Variants in BCL9L observed in about 807,000 individuals in gnomAD.
BCL9L encodes the protein B-cell CLL/lymphoma 9-like protein.
A neutral mutation model predicts 99.4 loss-of-function variants in BCL9L; 19 were observed. The observed-to-expected ratio is 0.19, with a 90% CI of 0.13 to 0.28. BCL9L has a LOEUF of 0.28. Among genes scored for constraint, BCL9L ranks in the 10% least tolerant of loss-of-function variants. The pLI is 1.00. For synonymous variants in BCL9L, 900 were observed against 854.8 expected (o/e 1.05, Z -0.92); for missense variants, 2,023 against 2,101.6 (o/e 0.96, Z 0.73).
chr11:118,908,436 G>C lies in BCL9L; in HGVS notation c.246C>G (p.Ala82=). 1 of 1,614,078 alleles carries C rather than the reference G, an allele frequency of 6.2e-7. No individual in the cohort carries two copies. Among genetic ancestry groups the C allele is most frequent in the South Asian group, 1.1e-5 (1 of 91,084 alleles). The change falls in exon 4 of 10, where the codon GCC becomes GCG. Residue 82 remains alanine (A), a synonymous_variant. Transcript: ENST00000683865. ...TGCTAGGCGAGATCTGGTTGGCCTT[G>C]GCCCCATGGTTCCCCGCCCCCACGC... ...SKGVGAGNHG[A]KANQISPSNS...
chr11:118,925,778 T>TGGCTCCGGGCGGCGGCGGTGGTGCAGC lies in BCL9L; in HGVS notation c.-698_-672dup. Among the ~76,000 whole-genome samples, 1 of 150,142 alleles carries TGGCTCCGGGCGGCGGCGGTGGTGCAGC rather than the reference T, an allele frequency of 6.7e-6. No homozygotes were observed. Among genetic ancestry groups the TGGCTCCGGGCGGCGGCGGTGGTGCAGC allele is most frequent in the African/African-American group, 2.4e-5 (1 of 41,202 alleles). On this transcript the variant is annotated 5_prime_UTR_variant, in exon 1 of 10. Coordinates refer to ENST00000683865, the MANE Select transcript of BCL9L (RefSeq NM_001378213.1). This position sits in a 1 kb window ranked among gnomAD's most constrained non-coding sequence, Gnocchi z 6.4. ...CCAGGCGTGCGGGCGTCCGGCCGGC[T>TGGCTCCGGGCGGCGGCGGTGGTGCAGC]GGCTCCGGGCGGCGGCGGTGGTGCA...
At chr11:118,899,647 G>T in intron 9 of BCL9L, 139 bp from the exon 10 acceptor site, 1 of 1,208,640 alleles carries the variant, frequency 8.3e-7, no homozygotes, top group Non-Finnish European at 1.2e-6. Context: ...GGCTGGGAGG[G>T]AAGGGACTGG....
intron 1 of BCL9L, among the ~76,000 whole-genome samples, chr11:118,924,886 G>A (rs982169531): frequency 6.6e-6 from 1 of 152,242 alleles, no homozygotes; most frequent in Non-Finnish European, 1.5e-5. Flanking sequence ...GAGACCCACG[G>A]GGTTGGTGAG....
At position 118,902,775 on chromosome 11, in the gene BCL9L, G is replaced by C. The variant is rs776672207; in HGVS notation, c.968C>G (p.Pro323Arg). 6.3e-7 allele frequency: 1 copy of C among 1,581,872 alleles called. No homozygotes were observed. Among genetic ancestry groups the C allele is most frequent in the Admixed American group, 1.7e-5 (1 of 57,482 alleles). The change falls in exon 8 of 10, where the codon CCA becomes CGA. Residue 323 changes from proline (P) to arginine (R), a missense_variant. Transcript: ENST00000683865. This position sits in a 1 kb window ranked among gnomAD's most constrained non-coding sequence, Gnocchi z 7.8. ...APGSAPPALP[P>R]EGPPEDSSQD... Reference sequence around the variant, plus strand: ...ACTGCTGTCCTCAGGAGGCCCCTCTGGGGGCAGAGCAGGCGGGGCACTGCC... The same window carrying C: ...ACTGCTGTCCTCAGGAGGCCCCTCTCGGGGCAGAGCAGGCGGGGCACTGCC...
At chr11:118,907,395 C>A in intron 5 of BCL9L, 88 bp downstream of exon 5, 1 of 1,600,028 alleles carries the variant, frequency 6.2e-7, no homozygotes, top group Non-Finnish European at 8.5e-7. Context: ...GACTCCCAGT[C>A]CTCACTTCTT....
At position 118,902,603 on chromosome 11, in the gene BCL9L, C is replaced by G. The variant is rs756056248; in HGVS notation, c.1140G>C (p.Leu380=). 11 of 1,599,950 alleles carry G rather than the reference C, an allele frequency of 6.9e-6. No homozygotes were observed. The Admixed American group carries it at 1.3e-4, about 19-fold the overall frequency. ...DPSSAPGPAL[L]GEAAAPGNGQ... ...CATTTCCAGGGGCGGCTGCCTCCCC[C>G]AGCAGGGCAGGGCCGGGGGCACTGC... The change falls in exon 8 of 10, where the codon CTG becomes CTC. Residue 380 remains leucine, a synonymous_variant. Coordinates refer to ENST00000683865, the MANE Select transcript of BCL9L (RefSeq NM_001378213.1). The surrounding 1 kb of genome is among the most constrained non-coding windows in gnomAD (Gnocchi z 7.8).
Position 118,899,147 on chromosome 11 carries a change from C to A in BCL9L, c.3768G>T (p.Pro1256=), listed in dbSNP as rs778916171. The change falls in exon 10 of 10, where the codon CCG becomes CCT. Residue 1256 remains proline (P), a synonymous_variant. Coordinates refer to ENST00000683865, the MANE Select transcript of BCL9L (RefSeq NM_001378213.1). ...GGGPGLQQHY[P]SGMALPPEDL... is the part of the protein sequence containing the mutation. ...CCTCGGGAGGCAGGGCCATGCCTGA[C>A]GGGTAGTGCTGCTGCAGGCCAGGCC... The A allele has an allele frequency of 1.3e-6, 2 of 1,509,578 alleles. No individual in the cohort carries two copies. Among genetic ancestry groups the A allele is most frequent in the East Asian group, 2.4e-5 (1 of 41,200 alleles). 93.5% of individuals were successfully genotyped at this position (1,509,578 alleles called of 1,614,324 possible).
rs1343158155 is a variant in BCL9L, at chr11:118,903,476, G to A, written c.533-24C>T. 2.5e-6 allele frequency: 4 copies of A among 1,610,064 alleles called. No homozygotes were observed. Among genetic ancestry groups the A allele is most frequent in the Non-Finnish European group, 3.4e-6 (4 of 1,177,458 alleles). ...ATCTGCAGGAGAGAGGACAGGGAAA[G>A]GGGCTAAGTGGTCTAGATACAAGAA... is the stretch of plus-strand genomic sequence containing the variant. On this transcript the variant is annotated intron_variant, in intron 5 of 9. Coordinates refer to ENST00000683865, the MANE Select transcript of BCL9L (RefSeq NM_001378213.1). The surrounding 1 kb of genome is among the most constrained non-coding windows in gnomAD (Gnocchi z 5.6).
chr11:118,918,561 C>G (rs1941043808), intron 2 of BCL9L, among the ~76,000 whole-genome samples: 1 of 152,014 alleles, frequency 6.6e-6, no homozygotes, highest in South Asian at 2.1e-4. Flanking sequence ...TCACTGGAGC[C>G]TGGCTCTAAC....
chr11:118,902,698 C>T lies in BCL9L; in HGVS notation c.1045G>A (p.Gly349Arg). Reference sequence around the variant, plus strand: ...GTCGGGGTGTTAGGGTGGGTGCCCCCAGTCCCACCACCTGTGCTGGCAGCT... The same window carrying T: ...GTCGGGGTGTTAGGGTGGGTGCCCCTAGTCCCACCACCTGTGCTGGCAGCT... ...VGAASTGGGT[G>R]GTHPNTPTAT... The change falls in exon 8 of 10, where the codon GGG becomes AGG. Residue 349 changes from glycine (G) to arginine (R), a missense_variant. Around this residue, in one of 3 missense-constraint regions of BCL9L, gnomAD observed 1,116 missense variants for 1,194.6 expected, o/e 0.93. Transcript: ENST00000683865. The surrounding 1 kb of genome is among the most constrained non-coding windows in gnomAD (Gnocchi z 7.8). The T allele has an allele frequency of 1.9e-6, 3 of 1,599,086 alleles. No individual in the cohort carries two copies. The South Asian group carries it at 3.3e-5, about 18-fold the overall frequency.
rs1241156679 is a variant in BCL9L, at chr11:118,922,586, C to T, written c.-131+2652G>A. On this transcript the variant is annotated intron_variant, in intron 1 of 9. Coordinates refer to ENST00000683865, the MANE Select transcript of BCL9L (RefSeq NM_001378213.1). This position sits in a 1 kb window ranked among gnomAD's most constrained non-coding sequence, Gnocchi z 6.2. ...GTCCATGGAACAGCCGGCCCCACCCCAGGGAGAGCGGGCCTGGCAGAGGCT... is the reference window on the plus strand; with the variant it reads ...GTCCATGGAACAGCCGGCCCCACCCTAGGGAGAGCGGGCCTGGCAGAGGCT... 6.6e-6 allele frequency among the ~76,000 whole-genome samples: 1 copy of T among 152,112 alleles called. No individual in the cohort carries two copies. Among genetic ancestry groups the T allele is most frequent in the Non-Finnish European group, 1.5e-5 (1 of 67,992 alleles).
rs1423368905 is a variant in BCL9L at position 118,899,414 on chromosome 11, G to C, written c.3501C>G (p.Ser1167=). 1 of 1,593,390 alleles carries C rather than the reference G, an allele frequency of 6.3e-7. No individual in the cohort carries two copies. Among genetic ancestry groups the C allele is most frequent in the South Asian group, 1.1e-5 (1 of 87,660 alleles). Reference sequence around the variant, plus strand: ...GCAGCATGGCGGGCGGGGGCTCATGGGACAGGGGCTGCTGGCCTGGCAGGT... The same window carrying C: ...GCAGCATGGCGGGCGGGGGCTCATGCGACAGGGGCTGCTGGCCTGGCAGGT... The part of the protein sequence containing the change: ...GMNLPGQQPL[S]HEPPPAMLPS... Residue 1167 remains serine, a synonymous_variant, in exon 10 of 10, where the codon TCC becomes TCG. Transcript: ENST00000683865.
intron 2 of BCL9L, chr11:118,910,798 G>A (rs1181923024): frequency 6.4e-6 from 1 of 156,928 alleles, no homozygotes; most frequent in Non-Finnish European, 1.4e-5. Flanking sequence ...CAAGAGCTTG[G>A]CGAGCCCCGG....
rs747824751 is a variant in BCL9L at position 118,899,944 on chromosome 11, G to T, written c.3379C>A (p.Pro1127Thr). The change falls in exon 9 of 10, where the codon CCA becomes ACA. Residue 1127 changes from proline (P) to threonine (T), a missense_variant. Physicochemically the swap from Pro to Thr is conservative, Grantham distance 38 (BLOSUM62 -1). This residue lies in a region of BCL9L where 902 missense variants were observed against 888.2 expected (regional missense o/e 1.02). Coordinates refer to ENST00000683865, the MANE Select transcript of BCL9L (RefSeq NM_001378213.1). ...LLPDRPLLPP[P>T]PPPQGSGPGI... is the part of the protein sequence containing the mutation. ...GGCCCGGAGCCCTGCGGTGGTGGTG[G>T]GGGGGGCAGCAGGGGCCGGTCGGGC... The T allele has an allele frequency of 9.9e-6, 16 of 1,613,208 alleles. No individual in the cohort carries two copies. Among genetic ancestry groups the T allele is most frequent in the Non-Finnish European group, 1.4e-5 (16 of 1,179,710 alleles).
intron 2 of BCL9L, among the ~76,000 whole-genome samples, chr11:118,918,101 G>A (rs1026114101): frequency 6.6e-6 from 1 of 152,228 alleles, no homozygotes; most frequent in Non-Finnish European, 1.5e-5. Flanking sequence ...GTGAGGGGAT[G>A]AGAAGCCCCT....
chr11:118,912,142 CCCT>C (rs1430755750), intron 2 of BCL9L, among the ~76,000 whole-genome samples: 5 of 152,186 alleles, frequency 3.3e-5, no homozygotes, highest in African/African-American at 4.8e-5. Context: ...TCCCGAAGAC[CCCT>C]CCTCCTCCAC....
rs1171498480 is a variant in BCL9L at position 118,902,930 on chromosome 11, A to C, written c.835-22T>G. 1 of 1,593,036 alleles carries C rather than the reference A, an allele frequency of 6.3e-7. No homozygotes were observed. The highest frequency in any genetic ancestry group is 2.2e-5 in the East Asian group (1 of 44,666). On this transcript the variant is annotated intron_variant, in intron 7 of 9. Coordinates refer to ENST00000683865, the MANE Select transcript of BCL9L (RefSeq NM_001378213.1). This position sits in a 1 kb window ranked among gnomAD's most constrained non-coding sequence, Gnocchi z 7.8. The stretch of plus-strand genomic sequence containing the variant: ...GGGCCTGCAGAAGGACAAAGAGAGC[A>C]TGAGACAGGTAAGGGGACGTTCCAC...
In BCL9L at chr11:118,899,425, G is replaced by C; in HGVS notation, c.3490C>G (p.Gln1164Glu). ...SPMGMNLPGQ[Q>E]PLSHEPPPAM... is the part of the protein sequence containing the mutation. ...GGCGGGGGCTCATGGGACAGGGGCT[G>C]CTGGCCTGGCAGGTTCATGCCCATA... The change falls in exon 10 of 10, where the codon CAG (glutamine) becomes GAG (glutamate). Residue 1164 changes from glutamine (Q) to glutamate (E), a missense_variant. Around this residue, in one of 3 missense-constraint regions of BCL9L, gnomAD observed 902 missense variants for 888.2 expected, o/e 1.02. Transcript: ENST00000683865. 6.3e-7 allele frequency: 1 copy of C among 1,597,256 alleles called. No homozygotes were observed. The highest frequency in any genetic ancestry group is 1.1e-5 in the South Asian group (1 of 88,058).
rs747500524 is a variant in BCL9L at position 118,898,867 on chromosome 11, G to A, written c.4048C>T (p.Pro1350Ser). 17 of 1,614,112 alleles carry A rather than the reference G, an allele frequency of 1.1e-5. No homozygotes were observed. In the South Asian group the frequency reaches 1.9e-4, roughly 18 times the overall value. The change falls in exon 10 of 10, where the codon CCC becomes TCC. Residue 1350 changes from proline (P) to serine (S), a missense_variant. Pro to Ser is a moderately conservative substitution (Grantham distance 74). Coordinates refer to ENST00000683865, the MANE Select transcript of BCL9L (RefSeq NM_001378213.1). The part of the protein sequence containing the change: ...QYFPKSENQP[P>S]KAQPPNLHLM... ...TGCAGATTAGGGGGCTGAGCCTTGG[G>A]GGGCTGGTTCTCGCTCTTGGGGAAG...
Sources: allele counts gnomAD v4.1 joint callset (sites outside exome capture counted in the v4.1 genomes callset), GRCh38; gene constraint gnomAD v4.1.1; regional missense constraint gnomAD v4.1.1; non-coding constraint Gnocchi (gnomAD v3.1); transcripts MANE v1.5; gene names NCBI Gene and HGNC (gene_info 2026-07-23, HGNC 2026-07-21).